ABHD18: variants seen among roughly 807,000 people sequenced by gnomAD.
The protein encoded by ABHD18 is cardiolipin-specific deacylase, mitochondrial.
A neutral mutation model predicts 65.9 loss-of-function variants in ABHD18; 55 were observed. The observed-to-expected ratio is 0.84, with a 90% confidence interval of 0.67 to 1.05. The LOEUF (loss-of-function observed/expected upper bound fraction) is 1.05, where lower values mean the gene tolerates loss of function less well. Among genes scored for constraint, ABHD18 ranks in the 50% least tolerant of loss-of-function variants. ABHD18 has a pLI of 0.00. For missense variants in ABHD18, 533 were observed against 558.5 expected (o/e 0.95, Z 0.46); for synonymous variants, 181 against 180.2 (o/e 1.00, Z -0.04).
At chr4:128,031,736 G>A (rs1758246503) in intron 12 of ABHD18, among the ~76,000 whole-genome samples, 1 of 152,144 alleles carries the variant, frequency 6.6e-6, no homozygotes, top group Admixed American at 6.5e-5. Context: ...ACTTATAAAT[G>A]TCACCCTTTT....
intron 10 of ABHD18, 64 bp downstream of exon 10, chr4:128,021,302 C>A: frequency 2.0e-6 from 2 of 993,686 alleles, no homozygotes; most frequent in Non-Finnish European, 3.0e-6. Context: ...TTTAATGATT[C>A]AGGTTTTTAA....
intron 4 of ABHD18, among the ~76,000 whole-genome samples, chr4:127,998,159 G>A (rs1238007764): frequency 6.6e-6 from 1 of 151,942 alleles, no homozygotes. Context: ...ACAGTGCTGG[G>A]ATTATAGGCA....
chr4:127,974,423 T>A (rs929726405), intron 1 of ABHD18, among the ~76,000 whole-genome samples: 2 of 151,860 alleles, frequency 1.3e-5, no homozygotes, highest in African/African-American at 2.4e-5. Context: ...TGGCCTGGAG[T>A]GCAGTAGCCA....
chr4:128,001,584 T>G lies in ABHD18; in HGVS notation c.279-7336T>G, dbSNP rs74968243. The G allele has an allele frequency of 7.4e-3, 6,129 of 824,664 alleles. 267 individuals carry two copies. The African/African-American group carries it at 0.099, about 13-fold the overall frequency. 51.1% of individuals were successfully genotyped at this position (824,664 alleles called of 1,614,324 possible). A position where few individuals can be genotyped will look rare whatever the true frequency, so the allele number is the denominator to read the frequency against. On this transcript the variant is annotated intron_variant, in intron 4 of 12. Coordinates refer to ENST00000645843, the MANE Select transcript of ABHD18 (RefSeq NM_001358451.3). The stretch of plus-strand genomic sequence containing the variant: ...TTCTGTAGATAGTAAATTTTCTGAG[T>G]TATTTATATGTAAAGATGCCTTTAT...
rs1757766654 is a variant in ABHD18 at position 128,028,800 on chromosome 4, T to C, written c.1127T>C (p.Leu376Ser). ...AGAAACAGTCTTCGGAAAGAGTCTT[T>C]AATATTTATGAAAGGAGTCATGGAT... ...QSRNSLRKESLIFMKGVMDEC... is the reference protein window; with the variant it reads ...QSRNSLRKESSIFMKGVMDEC... Residue 376 changes from leucine (L) to serine (S), a missense_variant, in exon 11 of 13, where the codon TTA becomes TCA. Leu to Ser is a moderately radical substitution (Grantham distance 145). Around this residue, in one of 3 missense-constraint regions of ABHD18, gnomAD observed 220 missense variants for 226.8 expected, o/e 0.97. Transcript: ENST00000645843. 1 of 1,603,410 alleles carries C rather than the reference T, an allele frequency of 6.2e-7. No homozygotes were observed. The highest frequency in any genetic ancestry group is 8.5e-7 in the Non-Finnish European group (1 of 1,177,110).
intron 1 of ABHD18, among the ~76,000 whole-genome samples, chr4:127,972,109 T>C (rs535763704): frequency 6.7e-4 from 102 of 152,160 alleles, no homozygotes; most frequent in Admixed American, 1.8e-3. Context: ...AGGATACAAC[T>C]CAGGAACAGC....
chr4:127,969,822 C>T (rs1746376214), intron 1 of ABHD18, among the ~76,000 whole-genome samples: 1 of 151,450 alleles, frequency 6.6e-6, no homozygotes, highest in African/African-American at 2.4e-5. Context: ...ACGATGTGCA[C>T]TGTTGCCTCA....
chr4:128,014,764 C>A (rs1215181184), intron 7 of ABHD18, among the ~76,000 whole-genome samples: 2 of 150,292 alleles, frequency 1.3e-5, no homozygotes, highest in Non-Finnish European at 2.9e-5. Flanking sequence ...CCTGTCTCTA[C>A]AAAATATACC....
chr4:128,008,202 C>T (rs1753939208), intron 4 of ABHD18, among the ~76,000 whole-genome samples: 1 of 145,510 alleles, frequency 6.9e-6, no homozygotes, highest in Non-Finnish European at 1.5e-5. Context: ...GCGGTGGTTG[C>T]AGTGAGCTGA....
At chr4:127,974,188 GTTTT>G (rs34967150) in intron 1 of ABHD18, among the ~76,000 whole-genome samples, 4 of 101,506 alleles carry the variant, frequency 3.9e-5, no homozygotes, top group Non-Finnish European at 4.1e-5. Context: ...CTTAAGTTCT[GTTTT>G]TTTTTTTTTT....
Position 127,980,720 on chromosome 4 carries a change from G to C in ABHD18, c.-17-2219G>C, listed in dbSNP as rs536152594. ...GGTGCCTGTAGTCCCAGCTACTCAGGAGGCTGAGACAGGAGAATTGCTTGA... is the reference window on the plus strand; with the variant it reads ...GGTGCCTGTAGTCCCAGCTACTCAGCAGGCTGAGACAGGAGAATTGCTTGA... On this transcript the variant is annotated intron_variant, in intron 1 of 12. Transcript: ENST00000645843. 4.0e-5 allele frequency among the ~76,000 whole-genome samples: 6 copies of C among 151,560 alleles called. No homozygotes were observed. In the South Asian group the frequency reaches 8.3e-4, roughly 21 times the overall value.
At chr4:128,001,191 G>C (rs766229555) in intron 4 of ABHD18, among the ~76,000 whole-genome samples, 31 of 152,280 alleles carry the variant, frequency 2.0e-4, no homozygotes, top group Middle Eastern at 3.4e-3. Context: ...GTAGTAGTGA[G>C]AATGGGCATC....
At chr4:127,987,107 C>T (rs1022475246) in intron 3 of ABHD18, among the ~76,000 whole-genome samples, 2 of 152,166 alleles carry the variant, frequency 1.3e-5, no homozygotes, top group East Asian at 1.9e-4. Context: ...AATATCAGCA[C>T]TTTGGGAGGC....
intron 4 of ABHD18, among the ~76,000 whole-genome samples, chr4:127,997,996 C>T (rs1240585223): frequency 1.3e-5 from 2 of 151,946 alleles, no homozygotes; most frequent in Non-Finnish European, 2.9e-5. Context: ...CTTGGGTGAC[C>T]CTCCAACCTC....
intron 4 of ABHD18, among the ~76,000 whole-genome samples, chr4:128,003,796 A>G (rs1003642183): frequency 1.7e-4 from 26 of 152,124 alleles, no homozygotes; most frequent in African/African-American, 5.8e-4. Flanking sequence ...AATAGCAAAA[A>G]TAGCCTGGTG....
At chr4:127,985,704 C>G (rs1389606719) in intron 3 of ABHD18, among the ~76,000 whole-genome samples, 1 of 152,090 alleles carries the variant, frequency 6.6e-6, no homozygotes, top group Admixed American at 6.6e-5. Flanking sequence ...GGAATGCATT[C>G]TTACTGATCT....
chr4:128,011,439 C>T (rs900680066), intron 6 of ABHD18, among the ~76,000 whole-genome samples: 41 of 150,818 alleles, frequency 2.7e-4, no homozygotes, highest in African/African-American at 7.5e-4. Flanking sequence ...TGAGCCACCG[C>T]GCCCGGCCTA....
At chr4:128,021,029 G>C in intron 9 of ABHD18, 108 bp from the exon 10 acceptor site, 2 of 630,802 alleles carry the variant, frequency 3.2e-6, no homozygotes, top group South Asian at 4.6e-5. Context: ...GTGAGACTTC[G>C]TCTGCAAAAA....
intron 7 of ABHD18, among the ~76,000 whole-genome samples, chr4:128,013,857 GTAGGA>G (rs1348657107): frequency 6.6e-6 from 1 of 151,962 alleles, no homozygotes; most frequent in East Asian, 1.9e-4. Flanking sequence ...ATAGATGAAA[GTAGGA>G]TGGGGTGGAG....
Sources: gnomAD v4.1 joint callset for allele counts (sites outside exome capture counted in the v4.1 genomes callset) on GRCh38, gnomAD v4.1.1 for gene constraint, gnomAD v4.1.1 regional missense constraint, MANE v1.5 for transcripts, NCBI Gene and HGNC (gene_info 2026-07-23, HGNC 2026-07-21) for gene names.